Variants in PTPRD observed in about 807,000 individuals in gnomAD.
The protein encoded by PTPRD is protein tyrosine phosphatase receptor type D, also known as receptor-type tyrosine-protein phosphatase delta.
A neutral mutation model predicts 214.5 loss-of-function variants in PTPRD; 34 were observed. The observed-to-expected ratio is 0.16, with a 90% CI of 0.12 to 0.21. The LOEUF (loss-of-function observed/expected upper bound fraction) is 0.21. Among genes scored for constraint, PTPRD ranks in the 10% least tolerant of loss-of-function variants. PTPRD has a pLI of 1.00. For synonymous variants in PTPRD, 1,128 were observed against 845.7 expected (o/e 1.33, Z -5.79); for missense variants, 2,545 against 2,398.7 (o/e 1.06, Z -1.27).
At chr9:9,574,808 T>C (rs1331006421) in intron 7 of PTPRD, 27 bp from the exon 8 acceptor site, 1 of 152,096 alleles carries the variant, frequency 6.6e-6, no homozygotes, top group Non-Finnish European at 1.5e-5. Context: ...CAAAACATTC[T>C]TTATTAGTAC....
chr9:10,384,423 G>A (rs2097877206), intron 2 of PTPRD, among the ~76,000 whole-genome samples: 1 of 151,388 alleles, frequency 6.6e-6, no homozygotes, highest in African/African-American at 2.4e-5. Context: ...GATTCTATAT[G>A]ATCAAAAATA....
At position 9,380,704 on chromosome 9, in the gene PTPRD, G is replaced by T. The variant is rs377330201; in HGVS notation, c.-203+16745C>A. On this transcript the variant is annotated intron_variant, in intron 9 of 45. Transcript: ENST00000381196. ...AGATGCCAATTATATCCAATTGATG[G>T]ATAGCGTTGTCAACAACACTATGTA... 1.2e-4 allele frequency among the ~76,000 whole-genome samples: 18 copies of T among 152,200 alleles called. No individual in the cohort carries two copies. In the East Asian group the frequency reaches 3.3e-3, roughly 28 times the overall value.
intron 2 of PTPRD, among the ~76,000 whole-genome samples, chr9:10,361,317 G>C (rs935643034): frequency 1.3e-5 from 2 of 152,182 alleles, no homozygotes; most frequent in Non-Finnish European, 1.5e-5. Context: ...TAAGAGAAAA[G>C]AGTGAAAAAT....
At chr9:9,451,169 G>A (rs528650669) in intron 8 of PTPRD, among the ~76,000 whole-genome samples, 17 of 151,754 alleles carry the variant, frequency 1.1e-4, no homozygotes, top group African/African-American at 3.9e-4. Context: ...TATATAAGGT[G>A]CAATACACAG....
chr9:10,402,672 A>G (rs999987000), intron 2 of PTPRD, among the ~76,000 whole-genome samples: 17 of 151,770 alleles, frequency 1.1e-4, no homozygotes, highest in African/African-American at 4.1e-4. Flanking sequence ...AATAAATGAA[A>G]TACCTTAGTT....
chr9:9,456,657 T>A (rs1569568493), intron 8 of PTPRD, among the ~76,000 whole-genome samples: 1 of 151,934 alleles, frequency 6.6e-6, no homozygotes. Flanking sequence ...GTGCTTATTA[T>A]GAGCTATACA....
intron 2 of PTPRD, among the ~76,000 whole-genome samples, chr9:10,364,020 G>C (rs10959078): frequency 1.3e-4 from 1 of 7,790 alleles, no homozygotes; most frequent in Non-Finnish European, 2.0e-4. Context: ...TTTTTTTTGA[G>C]ATGGAGTCTT....
intron 2 of PTPRD, among the ~76,000 whole-genome samples, chr9:10,490,814 G>C (rs911948739): frequency 2.6e-5 from 4 of 152,068 alleles, no homozygotes; most frequent in African/African-American, 9.7e-5. Context: ...ACATTTATTT[G>C]AAATTATATG....
chr9:9,893,945 T>G (rs1176653926), intron 5 of PTPRD, among the ~76,000 whole-genome samples: 1 of 152,044 alleles, frequency 6.6e-6, no homozygotes, highest in Non-Finnish European at 1.5e-5. Context: ...TTTGAGTAGC[T>G]AAGACCACAA....
In PTPRD at chr9:10,361,308, A is replaced by T. The variant is rs147297764; in HGVS notation, c.-599-20291T>A. ...CTTGAAATCTTCACTGTATACTCAT[A>T]AGAGAAAAGAGTGAAAAATGCAAAT... is the stretch of plus-strand genomic sequence containing the variant. On this transcript the variant is annotated intron_variant, in intron 2 of 45. Transcript: ENST00000381196. 3.5e-4 allele frequency among the ~76,000 whole-genome samples: 54 copies of T among 152,298 alleles called. 1 individual carries two copies. Among genetic ancestry groups the T allele is most frequent in the African/African-American group, 1.1e-3 (45 of 41,574 alleles).
chr9:9,993,352 A>T (rs1038466606), intron 4 of PTPRD, among the ~76,000 whole-genome samples: 1 of 152,360 alleles, frequency 6.6e-6, no homozygotes, highest in Non-Finnish European at 1.5e-5. Flanking sequence ...GCGTACAAGA[A>T]TGTTCAAGGT....
At chr9:9,221,794 C>T (rs929182909) in intron 9 of PTPRD, among the ~76,000 whole-genome samples, 5 of 151,922 alleles carry the variant, frequency 3.3e-5, no homozygotes, top group Non-Finnish European at 5.9e-5. Context: ...CAATCTGTCA[C>T]GTGTAGCAGA....
chr9:9,857,990 A>G (rs1325615763), intron 5 of PTPRD, among the ~76,000 whole-genome samples: 1 of 152,216 alleles, frequency 6.6e-6, no homozygotes, highest in African/African-American at 2.4e-5. Context: ...TGAAGAATGC[A>G]TTATCATGCT....
intron 10 of PTPRD, among the ~76,000 whole-genome samples, chr9:9,109,895 G>A (rs1261755082): frequency 6.6e-6 from 1 of 152,062 alleles, no homozygotes; most frequent in Non-Finnish European, 1.5e-5. Context: ...TTTGAAAATC[G>A]ATATGTAGAC....
chr9:9,456,129 C>G (rs772855074), intron 8 of PTPRD, among the ~76,000 whole-genome samples: 1 of 151,686 alleles, frequency 6.6e-6, no homozygotes, highest in Non-Finnish European at 1.5e-5. Flanking sequence ...TTTCCAAATC[C>G]AACACATAGA....
At chr9:9,513,502 G>T (rs72706520) in intron 8 of PTPRD, among the ~76,000 whole-genome samples, 15 of 150,902 alleles carry the variant, frequency 9.9e-5, no homozygotes, top group African/African-American at 3.6e-4. Flanking sequence ...TTAACATTTT[G>T]CTTTTTCTTA....
At chr9:8,667,973 T>C (rs998902831) in intron 12 of PTPRD, among the ~76,000 whole-genome samples, 1 of 151,994 alleles carries the variant, frequency 6.6e-6, no homozygotes, top group Admixed American at 6.6e-5. Flanking sequence ...AAATAAAAAC[T>C]AAGAAGAAAT....
intron 3 of PTPRD, among the ~76,000 whole-genome samples, chr9:10,231,638 G>A (rs1324315075): frequency 6.6e-6 from 1 of 151,944 alleles, no homozygotes; most frequent in Non-Finnish European, 1.5e-5. Context: ...TAGGCAATTT[G>A]CCTGGCAAAT....
intron 11 of PTPRD, among the ~76,000 whole-genome samples, chr9:8,845,322 C>T (rs1356867621): frequency 2.0e-5 from 3 of 152,152 alleles, no homozygotes; most frequent in Non-Finnish European, 4.4e-5. Context: ...CAGTCAGTGT[C>T]CTATAAAGAA....
Sources: gnomAD v4.1 joint callset for allele counts (sites outside exome capture counted in the v4.1 genomes callset) on GRCh38, gnomAD v4.1.1 for gene constraint, MANE v1.5 for transcripts, NCBI Gene and HGNC (gene_info 2026-07-23, HGNC 2026-07-21) for gene names.